Variants in CAPSL observed in about 807,000 individuals in gnomAD.
CAPSL encodes calcyphosin-like protein.
In CAPSL, 17 loss-of-function variants were observed where a neutral mutation model predicts 21.3. That is an observed-to-expected ratio of 0.80 (90% CI 0.55 to 1.20). The LOEUF is 1.20. Among genes scored for constraint, CAPSL ranks in the 50% most tolerant of loss-of-function variants. The probability of loss-of-function intolerance (pLI) is 0.00; values close to 1 mark genes in which losing one functional copy is unlikely to be tolerated. For missense variants in CAPSL, 289 were observed against 259.3 expected (o/e 1.11, Z -0.79); for synonymous variants, 102 against 89.3 (o/e 1.14, Z -0.80).
intron 1 of CAPSL, among the ~76,000 whole-genome samples, chr5:35,923,536 G>A (rs1472906201): frequency 6.6e-6 from 1 of 152,184 alleles, no homozygotes; most frequent in African/African-American, 2.4e-5. Flanking sequence ...GCAAATTGTG[G>A]TATAGCCATA....
At position 35,904,348 on chromosome 5, in the gene CAPSL, A is replaced by G; in HGVS notation, c.*197T>C. The G allele has an allele frequency of 1.7e-6, 1 of 596,742 alleles. No individual in the cohort carries two copies. Among genetic ancestry groups the G allele is most frequent in the Non-Finnish European group, 3.0e-6 (1 of 335,208 alleles). 37.0% of individuals were successfully genotyped at this position (596,742 alleles called of 1,614,324 possible). A position where few individuals can be genotyped will look rare whatever the true frequency, so the allele number is the denominator to read the frequency against. On this transcript the variant is annotated 3_prime_UTR_variant, in exon 5 of 5. Transcript: ENST00000651391. ...ATTTTAGAACAAAGGAAACAGTCTT[A>G]GGCAAGGCAAACTCACAGTTGGCTA...
chr5:35,910,425 T>C lies in CAPSL; in HGVS notation c.256A>G (p.Arg86Gly). The C allele has an allele frequency of 6.2e-7, 1 of 1,613,876 alleles. No homozygotes were observed. ...EKEEVEELFRRFDKDGNGTID... is the reference protein window; with the variant it reads ...EKEEVEELFRGFDKDGNGTID... ...GTTCCATTTCCATCTTTATCAAACC[T>C]CCGGAAAAGTTCTTCCACCTCTTCT... The change falls in exon 3 of 5, where the codon AGG becomes GGG. Residue 86 changes from arginine (R) to glycine (G), a missense_variant. Coordinates refer to ENST00000651391, the MANE Select transcript of CAPSL (RefSeq NM_001042625.2).
At chr5:35,933,665 A>G (rs1738874445) in intron 1 of CAPSL, among the ~76,000 whole-genome samples, 1 of 152,116 alleles carries the variant, frequency 6.6e-6, no homozygotes, top group African/African-American at 2.4e-5. Context: ...GGTGTGAAGA[A>G]CTCCTGTCCA....
At chr5:35,933,791 T>C (rs969944874) in intron 1 of CAPSL, among the ~76,000 whole-genome samples, 2 of 152,220 alleles carry the variant, frequency 1.3e-5, no homozygotes, top group African/African-American at 2.4e-5. Flanking sequence ...AACTACACTT[T>C]TTAGTTTGGG....
intron 2 of CAPSL, among the ~76,000 whole-genome samples, chr5:35,919,739 G>A (rs1738487207): frequency 1.3e-5 from 2 of 152,182 alleles, no homozygotes; most frequent in South Asian, 2.1e-4. Flanking sequence ...GAGTTACTTA[G>A]AGAAGGCCAA....
chr5:35,904,729 G>A, intron 4 of CAPSL, 83 bp from the exon 5 acceptor site: 4 of 1,565,864 alleles, frequency 2.6e-6, no homozygotes, highest in Non-Finnish European at 3.5e-6. Flanking sequence ...CCTGTAAATA[G>A]AAGGGAAATA....
intron 2 of CAPSL, among the ~76,000 whole-genome samples, chr5:35,913,662 A>G (rs1276530926): frequency 2.0e-5 from 3 of 152,220 alleles, no homozygotes; most frequent in Non-Finnish European, 2.9e-5. Flanking sequence ...AAATGCTGAG[A>G]GATTTTGTCA....
At chr5:35,928,992 G>A (rs188936965) in intron 1 of CAPSL, among the ~76,000 whole-genome samples, 12 of 152,206 alleles carry the variant, frequency 7.9e-5, no homozygotes, top group Non-Finnish European at 1.6e-4. Flanking sequence ...CATAAGCTAC[G>A]GGAAATACAA....
chr5:35,927,257 C>T (rs550804481), intron 1 of CAPSL, among the ~76,000 whole-genome samples: 1 of 152,310 alleles, frequency 6.6e-6, no homozygotes, highest in African/African-American at 2.4e-5. Flanking sequence ...TCCAATTGTT[C>T]CGAGCCTCTG....
At chr5:35,931,509 T>A (rs1738823823) in intron 1 of CAPSL, among the ~76,000 whole-genome samples, 1 of 152,066 alleles carries the variant, frequency 6.6e-6, no homozygotes, top group African/African-American at 2.4e-5. Context: ...ATAATAAGCA[T>A]CCACTGGGAA....
chr5:35,912,597 C>G (rs1245484333), intron 2 of CAPSL, among the ~76,000 whole-genome samples: 1 of 152,220 alleles, frequency 6.6e-6, no homozygotes, highest in Non-Finnish European at 1.5e-5. Flanking sequence ...CCCAGGCAAA[C>G]AGGGTCTGGA....
chr5:35,910,648 C>T, intron 2 of CAPSL, 105 bp from the exon 3 acceptor site: 1 of 875,404 alleles, frequency 1.1e-6, no homozygotes, highest in Non-Finnish European at 1.7e-6. Context: ...AATTAAAATA[C>T]AAAAGTCTTA....
At chr5:35,929,397 A>G (rs1738765673) in intron 1 of CAPSL, among the ~76,000 whole-genome samples, 2 of 150,370 alleles carry the variant, frequency 1.3e-5, no homozygotes, top group South Asian at 4.2e-4. Context: ...GGTTCAAGCA[A>G]TCCTCCTGCC....
chr5:35,928,041 A>C (rs1334630612), intron 1 of CAPSL, among the ~76,000 whole-genome samples: 1 of 151,832 alleles, frequency 6.6e-6, no homozygotes, highest in African/African-American at 2.4e-5. Context: ...AGATCAAGGT[A>C]TCAGCTGATT....
At chr5:35,914,777 C>A (rs1738327714) in intron 2 of CAPSL, among the ~76,000 whole-genome samples, 2 of 152,122 alleles carry the variant, frequency 1.3e-5, no homozygotes, top group African/African-American at 4.8e-5. Context: ...AAAATTGACA[C>A]CCTAATGTCA....
chr5:35,905,471 A>G (rs1760654044), intron 4 of CAPSL, among the ~76,000 whole-genome samples: 1 of 152,190 alleles, frequency 6.6e-6, no homozygotes, highest in Non-Finnish European at 1.5e-5. Context: ...ACCAGAAAAG[A>G]AAAGTCACTG....
chr5:35,920,012 G>C (rs1033819142), intron 2 of CAPSL, among the ~76,000 whole-genome samples: 4 of 152,094 alleles, frequency 2.6e-5, no homozygotes, highest in Non-Finnish European at 5.9e-5. Context: ...CAATATTGAG[G>C]GCATGGGTGC....
Position 35,907,067 on chromosome 5 carries a change from C to T in CAPSL, c.526-2421G>A, listed in dbSNP as rs1580877522. The stretch of plus-strand genomic sequence containing the variant: ...TTGTTGGTTAGCAATAATCACTATC[C>T]TTATTCATTTTATTTGACATTAGAA... On this transcript the variant is annotated intron_variant, in intron 4 of 4. Transcript: ENST00000651391. Among the ~76,000 whole-genome samples the T allele has an allele frequency of 2.0e-5, 3 of 152,214 alleles. No homozygotes were observed. In the East Asian group the frequency reaches 5.8e-4, roughly 29 times the overall value.
chr5:35,911,907 C>T (rs112834651), intron 2 of CAPSL, among the ~76,000 whole-genome samples: 24 of 152,232 alleles, frequency 1.6e-4, no homozygotes, highest in Non-Finnish European at 2.2e-4. Context: ...TGAAGCAGGG[C>T]AAGGCATCGC....
Sources: gnomAD v4.1 joint callset for allele counts (sites outside exome capture counted in the v4.1 genomes callset) on GRCh38, gnomAD v4.1.1 for gene constraint, MANE v1.5 for transcripts, NCBI Gene and HGNC (gene_info 2026-07-23, HGNC 2026-07-21) for gene names.